The following LNP1 variants were observed in gnomAD, a reference collection of about 807,000 sequenced individuals.
LNP1 encodes leukemia NUP98 fusion partner 1.
Under a neutral mutation model 14.5 loss-of-function variants are expected in LNP1, and 12 were observed. The ratio of observed to expected loss-of-function variants is 0.83; its 90% CI spans 0.53 to 1.34. The LOEUF (loss-of-function observed/expected upper bound fraction) is 1.34. LNP1 is among the 40% of genes most tolerant of loss of function. The pLI is 0.00. For missense variants in LNP1, 198 were observed against 210.9 expected (o/e 0.94, Z 0.38); for synonymous variants, 75 against 71.4 (o/e 1.05, Z -0.26).
chr3:100,416,602 TGTGTGTGTGTGTG>T (rs1707086718), intron 1 of LNP1, among the ~76,000 whole-genome samples: 6 of 58,612 alleles, frequency 1.0e-4, no homozygotes, highest in African/African-American at 2.8e-4. Context: ...ATCTTTTTTG[TGTGTGTGTGTGTG>T]TGTGTGTGTG....
chr3:100,429,795 C>T lies in LNP1; in HGVS notation c.66C>T (p.Gly22=). The change falls in exon 2 of 4, where the codon GGC becomes GGT. Residue 22 remains glycine (G), a synonymous_variant. Transcript: ENST00000383693. ...SFAKWMSSFW[G]HSWREEDQRG... Reference sequence around the variant, plus strand: ...CCAAATGGATGAGCAGCTTCTGGGGCCACAGCTGGAGAGAGGAGGATCAGA... The same window carrying T: ...CCAAATGGATGAGCAGCTTCTGGGGTCACAGCTGGAGAGAGGAGGATCAGA... The T allele has an allele frequency of 6.2e-7, 1 of 1,613,852 alleles. No homozygotes were observed. Among genetic ancestry groups the T allele is most frequent in the Non-Finnish European group, 8.5e-7 (1 of 1,179,916 alleles).
At chr3:100,434,855 A>G (rs1436496885) in intron 2 of LNP1, among the ~76,000 whole-genome samples, 3 of 147,460 alleles carry the variant, frequency 2.0e-5, no homozygotes, top group Non-Finnish European at 4.5e-5. Context: ...TTTTAATTAA[A>G]TTACCTTTCT....
chr3:100,417,590 G>T (rs1011154001), intron 1 of LNP1, among the ~76,000 whole-genome samples: 2 of 151,656 alleles, frequency 1.3e-5, no homozygotes, highest in Non-Finnish European at 1.5e-5. Flanking sequence ...TGTTGGTCAG[G>T]CCGGTCTTGA....
intron 1 of LNP1, among the ~76,000 whole-genome samples, chr3:100,415,256 A>G (rs567967310): frequency 9.2e-5 from 14 of 152,218 alleles, no homozygotes; most frequent in Non-Finnish European, 2.1e-4. Flanking sequence ...ACAGAAGGTT[A>G]ATATACAGAA....
intron 1 of LNP1, among the ~76,000 whole-genome samples, chr3:100,419,516 G>A (rs1363019721): frequency 6.6e-6 from 1 of 152,076 alleles, no homozygotes; most frequent in Non-Finnish European, 1.5e-5. Flanking sequence ...GTATGTGTGT[G>A]TGTAGTTCTG....
intron 2 of LNP1, among the ~76,000 whole-genome samples, chr3:100,447,749 CTTTCTCCTGTGAAATTA>C (rs1707402035): frequency 6.6e-6 from 1 of 152,146 alleles, no homozygotes; most frequent in Non-Finnish European, 1.5e-5. Flanking sequence ...ATACAAGAGT[CTTTCTCCTGTGAAATTA>C]TTTCTCTTTA....
intron 1 of LNP1, among the ~76,000 whole-genome samples, chr3:100,404,192 G>T (rs892760029): frequency 6.6e-6 from 1 of 152,092 alleles, no homozygotes; most frequent in Non-Finnish European, 1.5e-5. Context: ...ATTCATTGTG[G>T]TTTTTTTGTG....
intron 2 of LNP1, among the ~76,000 whole-genome samples, chr3:100,433,599 T>C (rs1157275045): frequency 3.3e-5 from 5 of 152,194 alleles, no homozygotes; most frequent in African/African-American, 1.2e-4. Flanking sequence ...GATTGCTGGG[T>C]CAAATGGTAT....
At chr3:100,444,665 T>A (rs1002660227) in intron 2 of LNP1, among the ~76,000 whole-genome samples, 2 of 152,182 alleles carry the variant, frequency 1.3e-5, no homozygotes, top group African/African-American at 4.8e-5. Flanking sequence ...GTCATTTCAT[T>A]TAACCAAAGT....
At chr3:100,416,599 TTGTGTGTGTG>T (rs769199967) in intron 1 of LNP1, among the ~76,000 whole-genome samples, 3 of 94,620 alleles carry the variant, frequency 3.2e-5, no homozygotes, top group South Asian at 3.3e-4. Flanking sequence ...TATATCTTTT[TTGTGTGTGTG>T]TGTGTGTGTG....
At chr3:100,440,392 T>C (rs149084291) in intron 2 of LNP1, among the ~76,000 whole-genome samples, 50 of 152,276 alleles carry the variant, frequency 3.3e-4, no homozygotes, top group African/African-American at 1.1e-3. Flanking sequence ...TTACATCTTC[T>C]TGGATACCAA....
At chr3:100,436,978 A>G (rs939441860) in intron 2 of LNP1, among the ~76,000 whole-genome samples, 1 of 152,206 alleles carries the variant, frequency 6.6e-6, no homozygotes, top group Non-Finnish European at 1.5e-5. Flanking sequence ...CAAGCCAGGA[A>G]GAGAGCCCTC....
In LNP1 at chr3:100,428,316, G is replaced by A. The variant is rs924879719; in HGVS notation, c.-33-1381G>A. Among the ~76,000 whole-genome samples the A allele has an allele frequency of 4.6e-5, 7 of 152,162 alleles. 1 individual carries two copies. Among genetic ancestry groups the A allele is most frequent in the East Asian group, 1.9e-4 (1 of 5,180 alleles). On this transcript the variant is annotated intron_variant, in intron 1 of 3. Transcript: ENST00000383693. ...TGGGAGGCTGAGACAGGCAGATCAC[G>A]AGGTCAAGAGTTTGAGACAAGCCTG...
chr3:100,434,144 C>T (rs996251356), intron 2 of LNP1, among the ~76,000 whole-genome samples: 1 of 152,138 alleles, frequency 6.6e-6, no homozygotes, highest in Non-Finnish European at 1.5e-5. Context: ...TTTGCCCACG[C>T]CTATGTCCTG....
chr3:100,404,747 A>G (rs143131469), intron 1 of LNP1, among the ~76,000 whole-genome samples: 82 of 150,150 alleles, frequency 5.5e-4, no homozygotes, highest in Admixed American at 1.8e-3. Context: ...TGTCAAAAAT[A>G]TAACTCATCA....
At chr3:100,434,966 C>T (rs1370536736) in intron 2 of LNP1, among the ~76,000 whole-genome samples, 4 of 151,972 alleles carry the variant, frequency 2.6e-5, no homozygotes, top group African/African-American at 7.3e-5. Context: ...GCTGCACTCT[C>T]ATTCTTATAG....
chr3:100,455,909 G>C lies in LNP1; in HGVS notation c.520G>C (p.Glu174Gln), dbSNP rs376972874. The change falls in exon 4 of 4, where the codon GAA becomes CAA. Residue 174 changes from glutamate (E) to glutamine (Q), a missense_variant. Coordinates refer to ENST00000383693, the MANE Select transcript of LNP1 (RefSeq NM_001085451.2). The part of the protein sequence containing the change: ...HGEAHMAPLF[E>Q]KGPE ...AGAAGCACACATGGCTCCCCTGTTTGAAAAAGGGCCTGAATAATACTCTGC... is the reference window on the plus strand; with the variant it reads ...AGAAGCACACATGGCTCCCCTGTTTCAAAAAGGGCCTGAATAATACTCTGC... 17 of 1,608,234 alleles carry C rather than the reference G, an allele frequency of 1.1e-5. No individual in the cohort carries two copies. Among genetic ancestry groups the C allele is most frequent in the African/African-American group, 2.7e-5 (2 of 74,210 alleles).
intron 2 of LNP1, among the ~76,000 whole-genome samples, chr3:100,447,926 CCTTTT>C (rs1050825078): frequency 6.6e-6 from 1 of 152,044 alleles, no homozygotes; most frequent in Admixed American, 6.6e-5. Flanking sequence ...AAATGACACA[CCTTTT>C]CTTTAAGAAA....
At chr3:100,422,021 C>G (rs1198291937) in intron 1 of LNP1, among the ~76,000 whole-genome samples, 3 of 152,078 alleles carry the variant, frequency 2.0e-5, no homozygotes, top group Non-Finnish European at 4.4e-5. Flanking sequence ...ACTCAGGACT[C>G]TCAATTCCCC....
Sources: gnomAD v4.1 joint callset for allele counts (sites outside exome capture counted in the v4.1 genomes callset) on GRCh38, gnomAD v4.1.1 for gene constraint, MANE v1.5 for transcripts, NCBI Gene and HGNC (gene_info 2026-07-23, HGNC 2026-07-21) for gene names.